PCDHGA6: variants seen among roughly 807,000 people sequenced by gnomAD.
PCDHGA6 encodes the protein protocadherin gamma subfamily A, 6.
PCDHGA6 carries 41 observed loss-of-function variants against 60.6 expected under a neutral mutation model. That is an observed-to-expected ratio of 0.68 (90% CI 0.53 to 0.88). PCDHGA6 has a LOEUF of 0.88. Among genes scored for constraint, PCDHGA6 ranks in the 40% least tolerant of loss-of-function variants. The probability of loss-of-function intolerance (pLI) is 0.00; values close to 1 mark genes in which losing one functional copy is unlikely to be tolerated. For missense variants in PCDHGA6, 1,312 were observed against 1,203.0 expected (o/e 1.09, Z -1.34); for synonymous variants, 594 against 524.4 (o/e 1.13, Z -1.81).
Position 141,415,335 on chromosome 5 carries a change from G to T in PCDHGA6, c.2424+38828G>T, listed in dbSNP as rs779617513. On this transcript the variant is annotated intron_variant, in intron 1 of 3. Coordinates refer to ENST00000517434, the MANE Select transcript of PCDHGA6 (RefSeq NM_018919.3). ...TCATCGTGCTGCTGGCGCACAGGCT[G>T]CGGCGCTGGCACAAGTCACGCCTGC... The T allele has an allele frequency of 4.3e-6, 7 of 1,614,110 alleles. No homozygotes were observed. The Admixed American group carries it at 1.2e-4, about 27-fold the overall frequency.
intron 2 of PCDHGA6, among the ~76,000 whole-genome samples, chr5:141,502,832 G>T (rs1266910323): frequency 6.6e-6 from 1 of 150,516 alleles, no homozygotes; most frequent in Non-Finnish European, 1.5e-5. Context: ...GGGGAAGCCT[G>T]GACTGGCTGA....
chr5:141,472,795 G>A (rs939788734), intron 1 of PCDHGA6, among the ~76,000 whole-genome samples: 1 of 151,794 alleles, frequency 6.6e-6, no homozygotes, highest in Non-Finnish European at 1.5e-5. Flanking sequence ...AGATCAGCCT[G>A]ACCAACATGG....
In PCDHGA6 at chr5:141,432,785, G is replaced by A. The variant is rs1356593437; in HGVS notation, c.2424+56278G>A. 2.5e-6 allele frequency: 4 copies of A among 1,613,992 alleles called. No individual in the cohort carries two copies. The African/African-American group carries it at 4.0e-5, about 16-fold the overall frequency. On this transcript the variant is annotated intron_variant, in intron 1 of 3. Transcript: ENST00000517434. The surrounding 1 kb of genome is among the most constrained non-coding windows in gnomAD (Gnocchi z 6.0). ...CATCCCCCAAGTCCTGGCGGACCTC[G>A]GCAGCCTCGAGTCTCCAGCTAACTC...
At chr5:141,421,352 A>T in intron 1 of PCDHGA6, 1 of 1,613,946 alleles carries the variant, frequency 6.2e-7, no homozygotes, top group Non-Finnish European at 8.5e-7. Context: ...GAGACCGAAA[A>T]GGGCTCCTTC....
intron 1 of PCDHGA6, chr5:141,393,441 C>G: frequency 6.2e-7 from 1 of 1,614,070 alleles, no homozygotes; most frequent in African/African-American, 1.3e-5. Flanking sequence ...TGCTCACCAC[C>G]TGGTCCTCAC....
intron 1 of PCDHGA6, chr5:141,394,586 G>T: frequency 3.1e-6 from 5 of 1,613,888 alleles, no homozygotes; most frequent in Non-Finnish European, 4.2e-6. Context: ...TGACCAAGGT[G>T]GTGGCGGTGG....
At position 141,374,138 on chromosome 5, in the gene PCDHGA6, C is replaced by G; in HGVS notation, c.55C>G (p.Leu19Val). The G allele has an allele frequency of 6.2e-7, 1 of 1,608,824 alleles. No homozygotes were observed. Among genetic ancestry groups the G allele is most frequent in the Non-Finnish European group, 8.5e-7 (1 of 1,176,786 alleles). The change falls in exon 1 of 4, where the codon CTC becomes GTC. Residue 19 changes from leucine (L) to valine (V), a missense_variant. By Grantham distance (32) the Leu-to-Val change is conservative. Coordinates refer to ENST00000517434, the MANE Select transcript of PCDHGA6 (RefSeq NM_018919.3). ...QRSEQVLLLT[L>V]LGTLWGAAAA... Reference sequence around the variant, plus strand: ...CAGCGAGCAGGTCCTGCTCCTCACGCTCCTGGGGACGCTGTGGGGGGCCGC... The same window carrying G: ...CAGCGAGCAGGTCCTGCTCCTCACGGTCCTGGGGACGCTGTGGGGGGCCGC...
At chr5:141,419,521 C>A (rs1418329404) in intron 1 of PCDHGA6, 1 of 1,612,240 alleles carries the variant, frequency 6.2e-7, no homozygotes, top group Non-Finnish European at 8.5e-7. Context: ...TGGTGGGCGA[C>A]CGTAACGACA....
At chr5:141,415,688 T>C (rs373105795) in intron 1 of PCDHGA6, 1 of 1,546,006 alleles carries the variant, frequency 6.5e-7, no homozygotes, top group Admixed American at 2.0e-5. Context: ...GGCATGATGG[T>C]GGAAAGTGTA....
chr5:141,419,454 T>A (rs1191326733), intron 1 of PCDHGA6: 1 of 1,612,786 alleles, frequency 6.2e-7, no homozygotes, highest in Non-Finnish European at 8.5e-7. Flanking sequence ...GAGCTCACGC[T>A]GCAGGCCCGC....
rs761905572 is a variant in PCDHGA6 at position 141,486,493 on chromosome 5, T to A, written c.2425-8314T>A. The A allele has an allele frequency of 2.5e-6, 4 of 1,614,136 alleles. No homozygotes were observed. The highest frequency in any genetic ancestry group is 1.7e-4 in the Middle Eastern group (1 of 6,060). On this transcript the variant is annotated intron_variant, in intron 1 of 3. Transcript: ENST00000517434. This position sits in a 1 kb window ranked among gnomAD's most constrained non-coding sequence, Gnocchi z 5.0. ...ACCCTCCTCTCAGTACCCACAGAAC[T>A]ATTTTCCTCAATATTTCAGATGTGA... is the stretch of plus-strand genomic sequence containing the variant.
At chr5:141,384,310 A>T in intron 1 of PCDHGA6, 2 of 1,613,676 alleles carry the variant, frequency 1.2e-6, no homozygotes, top group East Asian at 4.5e-5. Flanking sequence ...AGGGGCCTCC[A>T]TTTTCTTAGT....
At position 141,511,916 on chromosome 5, in the gene PCDHGA6, C is replaced by T. The variant is rs2099884006; in HGVS notation, c.*743C>T. ...CCACCTCCTCCTCAAACAAGAGACT[C>T]CACTGCATGTTCCAAGACAGTATGG... On this transcript the variant is annotated 3_prime_UTR_variant, in exon 4 of 4. Coordinates refer to ENST00000517434, the MANE Select transcript of PCDHGA6 (RefSeq NM_018919.3). The T allele has an allele frequency of 6.4e-6, 1 of 156,466 alleles. No individual in the cohort carries two copies. The highest frequency in any genetic ancestry group is 2.4e-5 in the African/African-American group (1 of 41,474). The allele number at this position is 156,466 out of a possible 1,614,324, so 9.7% of individuals were successfully genotyped here.
At chr5:141,446,202 G>T (rs780900822) in intron 1 of PCDHGA6, among the ~76,000 whole-genome samples, 13 of 152,094 alleles carry the variant, frequency 8.5e-5, no homozygotes, top group Non-Finnish European at 1.8e-4. Context: ...ATATTCCTAG[G>T]TGTCTGAAAA....
At chr5:141,421,762 T>G (rs1272315856) in intron 1 of PCDHGA6, 2 of 1,613,884 alleles carry the variant, frequency 1.2e-6, no homozygotes, top group Non-Finnish European at 8.5e-7. Context: ...TAATAATTAC[T>G]TTTCCTTGCA....
chr5:141,489,314 G>T lies in PCDHGA6; in HGVS notation c.2425-5493G>T. ...TGCATGTTGTCCTTGTGCTGCTGGG[G>T]CTGGGTGTCTGGGCAGCTTCGTTAC... On this transcript the variant is annotated intron_variant, in intron 1 of 3. Transcript: ENST00000517434. This position sits in a 1 kb window ranked among gnomAD's most constrained non-coding sequence, Gnocchi z 4.5. 6.3e-7 allele frequency: 1 copy of T among 1,596,908 alleles called. No individual in the cohort carries two copies. The highest frequency in any genetic ancestry group is 8.5e-7 in the Non-Finnish European group (1 of 1,170,694).
At chr5:141,442,006 G>T (rs540427406) in intron 1 of PCDHGA6, 2 of 229,074 alleles carry the variant, frequency 8.7e-6, no homozygotes, top group South Asian at 4.9e-5. Flanking sequence ...CTGACAGCTC[G>T]CACGATGGGC....
chr5:141,391,872 CTT>C (rs1248262671), intron 1 of PCDHGA6: 1 of 152,168 alleles, frequency 6.6e-6, no homozygotes, highest in East Asian at 1.9e-4. Context: ...TTAATCATCT[CTT>C]TGGTGAAAGG....
In PCDHGA6 at chr5:141,381,098, G is replaced by A. The variant is rs114784627; in HGVS notation, c.2424+4591G>A. Reference sequence around the variant, plus strand: ...TTATTTTGATAGATCAAAACAGAATGTCCTTCAAAGTGTTCCCTGTATTCT... The same window carrying A: ...TTATTTTGATAGATCAAAACAGAATATCCTTCAAAGTGTTCCCTGTATTCT... On this transcript the variant is annotated intron_variant, in intron 1 of 3. Transcript: ENST00000517434. 2.4e-3 allele frequency among the ~76,000 whole-genome samples: 370 copies of A among 152,320 alleles called. 4 individuals carry two copies. Among genetic ancestry groups the A allele is most frequent in the African/African-American group, 8.6e-3 (357 of 41,576 alleles).
Sources: gnomAD v4.1 joint callset for allele counts (sites outside exome capture counted in the v4.1 genomes callset) on GRCh38, gnomAD v4.1.1 for gene constraint, Gnocchi (gnomAD v3.1) non-coding constraint, MANE v1.5 for transcripts, NCBI Gene and HGNC (gene_info 2026-07-23, HGNC 2026-07-21) for gene names.